SORCS2: variants seen among roughly 807,000 people sequenced by gnomAD.
The protein encoded by SORCS2 is VPS10 domain-containing receptor SorCS2.
A neutral mutation model predicts 141.6 loss-of-function variants in SORCS2; 100 were observed. The ratio of observed to expected loss-of-function variants is 0.71; its 90% CI spans 0.60 to 0.83. The LOEUF is 0.83. SORCS2 is among the 40% of genes least tolerant of loss of function. The pLI, the probability that SORCS2 is intolerant of heterozygous loss-of-function variation, is 0.00. For missense variants in SORCS2, 1,646 were observed against 1,560.2 expected (o/e 1.05, Z -0.93); for synonymous variants, 789 against 676.9 (o/e 1.17, Z -2.57).
At chr4:7,652,186 C>T (rs1270592402) in intron 4 of SORCS2, among the ~76,000 whole-genome samples, 1 of 152,184 alleles carries the variant, frequency 6.6e-6, no homozygotes, top group Non-Finnish European at 1.5e-5. Context: ...TGGCTTCCCT[C>T]CTGCCAGAGG....
At position 7,226,781 on chromosome 4, in the gene SORCS2, G is replaced by C. The variant is rs540577988; in HGVS notation, c.480+33655G>C. Among the ~76,000 whole-genome samples, 442 of 152,302 alleles carry C rather than the reference G, an allele frequency of 2.9e-3. 3 individuals carry two copies. Among genetic ancestry groups the C allele is most frequent in the African/African-American group, 9.7e-3 (404 of 41,564 alleles). ...CTGCTCCGTTGGTGGGGGATGGAAG[G>C]GGGGCACGCCTGCTCCCCAGGCCAC... is the stretch of plus-strand genomic sequence containing the variant. On this transcript the variant is annotated intron_variant, in intron 1 of 26. Coordinates refer to ENST00000507866, the MANE Select transcript of SORCS2 (RefSeq NM_020777.3).
In SORCS2 at chr4:7,243,774, C is replaced by T. The variant is rs116328736; in HGVS notation, c.480+50648C>T. Reference sequence around the variant, plus strand: ...GGATCCCCCCCCACAAACCCAAGTTCGCAGACGCCAGGCAAGCAGGTAGCT... The same window carrying T: ...GGATCCCCCCCCACAAACCCAAGTTTGCAGACGCCAGGCAAGCAGGTAGCT... On this transcript the variant is annotated intron_variant, in intron 1 of 26. Transcript: ENST00000507866. Among the ~76,000 whole-genome samples the T allele has an allele frequency of 9.2e-3, 1,400 of 152,342 alleles. 23 individuals are homozygous for T. Among genetic ancestry groups the T allele is most frequent in the African/African-American group, 0.032 (1,332 of 41,576 alleles).
chr4:7,408,254 T>C (rs1032662482), intron 2 of SORCS2, among the ~76,000 whole-genome samples: 1 of 152,150 alleles, frequency 6.6e-6, no homozygotes, highest in African/African-American at 2.4e-5. Context: ...ATGGAAAAAC[T>C]CCCTTTAACC....
In SORCS2 at chr4:7,504,991, C is replaced by T. The variant is rs112359542; in HGVS notation, c.549-26539C>T. 1.5e-3 allele frequency among the ~76,000 whole-genome samples: 232 copies of T among 152,256 alleles called. 1 individual carries two copies. The highest frequency in any genetic ancestry group is 6.8e-3 in the Middle Eastern group (2 of 294). On this transcript the variant is annotated intron_variant, in intron 2 of 26. Coordinates refer to ENST00000507866, the MANE Select transcript of SORCS2 (RefSeq NM_020777.3). The stretch of plus-strand genomic sequence containing the variant: ...AAAGTCCACCTCTGAGCCAGGGGAC[C>T]GAACCCTCCACCTCCTCCTGGTAAA...
intron 10 of SORCS2, among the ~76,000 whole-genome samples, chr4:7,687,897 C>A (rs1339875636): frequency 6.6e-6 from 1 of 152,188 alleles, no homozygotes; most frequent in Non-Finnish European, 1.5e-5. Flanking sequence ...CAGCCTCCAG[C>A]CCCTAGCAAC....
chr4:7,542,990 G>C (rs1186643578), intron 3 of SORCS2, among the ~76,000 whole-genome samples: 4 of 152,258 alleles, frequency 2.6e-5, no homozygotes, highest in Non-Finnish European at 1.5e-5. Flanking sequence ...GGAGGGAGAA[G>C]ATGGTCCTCT....
intron 4 of SORCS2, among the ~76,000 whole-genome samples, chr4:7,653,439 C>T (rs1313335462): frequency 2.6e-5 from 4 of 152,070 alleles, no homozygotes; most frequent in Non-Finnish European, 5.9e-5. Flanking sequence ...GGCGGGGTTT[C>T]TCCATGTTGG....
At chr4:7,431,810 G>C (rs1577551192) in intron 2 of SORCS2, 4 of 152,338 alleles carry the variant, frequency 2.6e-5, no homozygotes, top group African/African-American at 9.6e-5. Flanking sequence ...CGGTGGCCCA[G>C]GTCTGCGACG....
intron 2 of SORCS2, among the ~76,000 whole-genome samples, chr4:7,409,672 G>A (rs929956094): frequency 1.3e-5 from 2 of 152,180 alleles, no homozygotes; most frequent in Non-Finnish European, 2.9e-5. Flanking sequence ...TAAGTTTTCT[G>A]CAGGCTCAGT....
chr4:7,269,581 G>A (rs573278809), intron 1 of SORCS2, among the ~76,000 whole-genome samples: 107 of 152,344 alleles, frequency 7.0e-4, no homozygotes, highest in African/African-American at 2.3e-3. Flanking sequence ...TTCGTCACAC[G>A]AAGGAGAAGG....
chr4:7,416,465 G>C (rs1372516595), intron 2 of SORCS2, among the ~76,000 whole-genome samples: 1 of 152,094 alleles, frequency 6.6e-6, no homozygotes, highest in African/African-American at 2.4e-5. Context: ...CCCTGTGTAC[G>C]GTGCATACAC....
chr4:7,441,810 A>G (rs572494063), intron 2 of SORCS2, among the ~76,000 whole-genome samples: 14 of 68 alleles, frequency 0.21, no homozygotes, highest in African/African-American at 0.5. Context: ...CCCAGCCCAG[A>G]TCACCCTCCA....
chr4:7,193,036 G>C lies in SORCS2; in HGVS notation c.390G>C (p.Ala130=), dbSNP rs1447358963. Residue 130 remains alanine, a synonymous_variant, in exon 1 of 27, where the codon GCG becomes GCC. Transcript: ENST00000507866. This position sits in a 1 kb window ranked among gnomAD's most constrained non-coding sequence, Gnocchi z 4.8. ...AAPLAGVASR[A]QVSLISTSFV... is the part of the protein sequence containing the mutation. ...CGCTGGCCGGAGTGGCTTCGCGGGC[G>C]CAGGTCTCGCTCATCAGCACGTCGT... 11 of 1,514,398 alleles carry C rather than the reference G, an allele frequency of 7.3e-6. No homozygotes were observed. The highest frequency in any genetic ancestry group is 9.6e-6 in the Non-Finnish European group (11 of 1,141,596). 93.8% of individuals were successfully genotyped at this position (1,514,398 alleles called of 1,614,324 possible). A position where few individuals can be genotyped will look rare whatever the true frequency, so the allele number is the denominator to read the frequency against.
intron 2 of SORCS2, among the ~76,000 whole-genome samples, chr4:7,491,097 G>C (rs1359347907): frequency 4.6e-5 from 7 of 152,010 alleles, no homozygotes; most frequent in Admixed American, 4.6e-4. Flanking sequence ...TCCACTCCCC[G>C]GCTCTCCTGC....
Position 7,193,373 on chromosome 4 carries a change from C to A in SORCS2, c.480+247C>A, listed in dbSNP as rs1225298800. Among the ~76,000 whole-genome samples, 1 of 152,200 alleles carries A rather than the reference C, an allele frequency of 6.6e-6. No individual in the cohort carries two copies. Among genetic ancestry groups the A allele is most frequent in the Non-Finnish European group, 1.5e-5 (1 of 68,030 alleles). ...GGACATTCCCGCAGATTTCGGGATC[C>A]TGGGCCACCTCCGATACTCCCCCAC... is the stretch of plus-strand genomic sequence containing the variant. On this transcript the variant is annotated intron_variant, in intron 1 of 26. Transcript: ENST00000507866. This position sits in a 1 kb window ranked among gnomAD's most constrained non-coding sequence, Gnocchi z 4.8.
chr4:7,300,259 G>A (rs1287949871), intron 1 of SORCS2, among the ~76,000 whole-genome samples: 1 of 152,166 alleles, frequency 6.6e-6, no homozygotes, highest in Non-Finnish European at 1.5e-5. Context: ...GGAGGGAGGA[G>A]TGAGGGTCTA....
Position 7,729,722 on chromosome 4 carries a change from G to A in SORCS2, c.3108+10G>A, listed in dbSNP as rs751558719. The A allele has an allele frequency of 9.3e-6, 15 of 1,608,012 alleles. No individual in the cohort carries two copies. In the South Asian group the frequency reaches 1.6e-4, roughly 17 times the overall value. ...CCTCTCGAGTGATAAGGTATGTCCT[G>A]TGGCCGCTGCACTCCCAGGTCCTCC... is the stretch of plus-strand genomic sequence containing the variant. On this transcript the variant is annotated intron_variant, in intron 23 of 26. Coordinates refer to ENST00000507866, the MANE Select transcript of SORCS2 (RefSeq NM_020777.3).
intron 1 of SORCS2, among the ~76,000 whole-genome samples, chr4:7,386,575 T>C (rs1397890719): frequency 9.4e-6 from 1 of 106,708 alleles, no homozygotes; most frequent in African/African-American, 3.7e-5. Flanking sequence ...TGCACACACA[T>C]GCACACACAT....
chr4:7,338,240 G>GATGT (rs1354909037), intron 1 of SORCS2, among the ~76,000 whole-genome samples: 2 of 149,374 alleles, frequency 1.3e-5, no homozygotes, highest in Non-Finnish European at 3.0e-5. Flanking sequence ...CGGATGGAAG[G>GATGT]ATGGATGGAT....
Sources: allele counts gnomAD v4.1 joint callset (sites outside exome capture counted in the v4.1 genomes callset), GRCh38; gene constraint gnomAD v4.1.1; non-coding constraint Gnocchi (gnomAD v3.1); transcripts MANE v1.5; gene names NCBI Gene and HGNC (gene_info 2026-07-23, HGNC 2026-07-21).